STPG2: variants seen among roughly 807,000 people sequenced by gnomAD.
STPG2 encodes the protein sperm-tail PG-rich repeat-containing protein 2.
In STPG2, 56 loss-of-function variants were observed where a neutral mutation model predicts 54.2. The observed-to-expected ratio is 1.03, with a 90% CI of 0.83 to 1.29. STPG2 has a LOEUF of 1.29. STPG2 is among the 50% of genes most tolerant of loss of function. STPG2 has a pLI of 0.00. For synonymous variants in STPG2, 200 were observed against 181.8 expected, an observed-to-expected ratio of 1.10 and a Z score of -0.81; for missense variants, 596 against 544.9, an observed-to-expected ratio of 1.09 and a Z score of -0.93.
chr4:98,059,483 G>A (rs978843715), intron 5 of STPG2, among the ~76,000 whole-genome samples: 1 of 151,926 alleles, frequency 6.6e-6, no homozygotes, highest in Non-Finnish European at 1.5e-5. Context: ...TTACAAAGAA[G>A]AGTTGGTACG....
chr4:97,485,108 T>C (rs1730320836), intron 4 of STPG2, among the ~76,000 whole-genome samples: 1 of 151,756 alleles, frequency 6.6e-6, no homozygotes, highest in Non-Finnish European at 1.5e-5. Flanking sequence ...TAATATTGAA[T>C]GGGGAAAAGT....
intron 9 of STPG2, among the ~76,000 whole-genome samples, chr4:97,725,531 G>A (rs1219101187): frequency 6.6e-6 from 1 of 151,690 alleles, no homozygotes; most frequent in East Asian, 1.9e-4. Context: ...AGCATTCTGA[G>A]AACAATGTAC....
intron 7 of STPG2, among the ~76,000 whole-genome samples, chr4:97,958,409 A>G (rs919674609): frequency 6.6e-6 from 1 of 152,194 alleles, no homozygotes; most frequent in Middle Eastern, 3.2e-3. Flanking sequence ...CATTGAATGT[A>G]CATTGCCTAA....
At chr4:97,508,142 A>AC (rs1215233108) in intron 4 of STPG2, among the ~76,000 whole-genome samples, 4 of 152,100 alleles carry the variant, frequency 2.6e-5, no homozygotes, top group African/African-American at 9.6e-5. Context: ...TGGAACAAAG[A>AC]CCAGGCAAAT....
intron 8 of STPG2, among the ~76,000 whole-genome samples, chr4:97,857,742 A>T (rs1729380454): frequency 6.6e-6 from 1 of 152,124 alleles, no homozygotes; most frequent in Non-Finnish European, 1.5e-5. Flanking sequence ...ATGACCTTTC[A>T]GACAGAAAAT....
chr4:97,710,073 A>G (rs1392109638), intron 10 of STPG2, among the ~76,000 whole-genome samples: 1 of 151,826 alleles, frequency 6.6e-6, no homozygotes, highest in Non-Finnish European at 1.5e-5. Context: ...AGTTGAAATT[A>G]TAAGTGAACT....
intron 9 of STPG2, among the ~76,000 whole-genome samples, chr4:97,739,642 C>A (rs1357094685): frequency 1.3e-5 from 2 of 152,174 alleles, no homozygotes; most frequent in Non-Finnish European, 2.9e-5. Flanking sequence ...TCGACACATA[C>A]ACCCTCCCTA....
chr4:97,622,532 T>C (rs974995227), intron 10 of STPG2, among the ~76,000 whole-genome samples: 1 of 151,888 alleles, frequency 6.6e-6, no homozygotes, highest in Non-Finnish European at 1.5e-5. Flanking sequence ...CACAAAAGAA[T>C]AAAATATCTA....
At chr4:97,441,512 T>C (rs1269613038) in intron 4 of STPG2, 1 of 152,040 alleles carries the variant, frequency 6.6e-6, no homozygotes, top group Non-Finnish European at 1.5e-5. Context: ...TTTATATTAA[T>C]AGATATTACC....
At chr4:97,473,485 A>G (rs1184992421) in intron 4 of STPG2, among the ~76,000 whole-genome samples, 1 of 152,124 alleles carries the variant, frequency 6.6e-6, no homozygotes, top group Admixed American at 6.6e-5. Context: ...TTCCTGCCTA[A>G]TAAATTTTGG....
intron 10 of STPG2, among the ~76,000 whole-genome samples, chr4:97,680,153 A>G (rs1722987388): frequency 6.6e-6 from 1 of 150,994 alleles, no homozygotes; most frequent in Non-Finnish European, 1.5e-5. Flanking sequence ...GTTTTTTCCA[A>G]TTCTGTGAAG....
chr4:97,494,061 T>C (rs1006946426), intron 4 of STPG2, among the ~76,000 whole-genome samples: 2 of 151,438 alleles, frequency 1.3e-5, no homozygotes, highest in Non-Finnish European at 3.0e-5. Flanking sequence ...TTTAAGAAAA[T>C]TGTCCCACAG....
At chr4:97,984,992 T>G (rs182303733) in intron 5 of STPG2, among the ~76,000 whole-genome samples, 1 of 152,352 alleles carries the variant, frequency 6.6e-6, no homozygotes, top group African/African-American at 2.4e-5. Flanking sequence ...TTCATCGTGT[T>G]TATATAGCCA....
At chr4:97,593,742 C>T (rs768843422) in intron 10 of STPG2, among the ~76,000 whole-genome samples, 6 of 152,104 alleles carry the variant, frequency 3.9e-5, no homozygotes, top group Non-Finnish European at 7.4e-5. Flanking sequence ...AGCACTTTAG[C>T]GAGCACTACA....
intron 7 of STPG2, among the ~76,000 whole-genome samples, chr4:97,947,782 G>A (rs1278358784): frequency 2.6e-5 from 4 of 151,970 alleles, no homozygotes; most frequent in Admixed American, 6.6e-5. Context: ...TTATCTTTCT[G>A]ATGTGCTGAT....
At chr4:97,453,326 A>C (rs1729426693) in intron 4 of STPG2, among the ~76,000 whole-genome samples, 1 of 152,228 alleles carries the variant, frequency 6.6e-6, no homozygotes, top group Non-Finnish European at 1.5e-5. Context: ...CTGACTGTGC[A>C]GTATCTGGAC....
chr4:97,815,575 A>G (rs1179733652), intron 9 of STPG2, among the ~76,000 whole-genome samples: 1 of 152,106 alleles, frequency 6.6e-6, no homozygotes, highest in Non-Finnish European at 1.5e-5. Context: ...AGATGTAATG[A>G]CTTTATATTA....
At chr4:97,479,332 T>C (rs1346916311) in intron 4 of STPG2, among the ~76,000 whole-genome samples, 2 of 151,980 alleles carry the variant, frequency 1.3e-5, no homozygotes, top group African/African-American at 2.4e-5. Flanking sequence ...TTGTTCTGAA[T>C]ATCCTTCAGA....
At chr4:97,451,087 C>A (rs1178128987) in intron 4 of STPG2, among the ~76,000 whole-genome samples, 3 of 152,078 alleles carry the variant, frequency 2.0e-5, no homozygotes, top group African/African-American at 7.2e-5. Context: ...TACAAATAGA[C>A]TACTGAGAGA....
Sources: allele counts gnomAD v4.1 joint callset (sites outside exome capture counted in the v4.1 genomes callset), GRCh38; gene constraint gnomAD v4.1.1; transcripts MANE v1.5; gene names NCBI Gene and HGNC (gene_info 2026-07-23, HGNC 2026-07-21).